Variants in PBX4 observed in about 807,000 individuals in gnomAD.
PBX4 encodes pre-B-cell leukemia transcription factor 4.
In PBX4, 26 loss-of-function variants were observed where a neutral mutation model predicts 35.1. The observed-to-expected ratio is 0.74, with a 90% CI of 0.54 to 1.03. The LOEUF is 1.03. PBX4 is among the 50% of genes least tolerant of loss of function. The pLI is 0.00. For synonymous variants in PBX4, 199 were observed against 204.2 expected, an observed-to-expected ratio of 0.97 and a Z score of 0.22; for missense variants, 448 against 504.3, an observed-to-expected ratio of 0.89 and a Z score of 1.07.
intron 6 of PBX4, 187 bp downstream of exon 6, chr19:19,564,746 A>C (rs1269262515): frequency 2.8e-6 from 2 of 706,888 alleles, no homozygotes; most frequent in African/African-American, 3.6e-5. Context: ...TCCCCAAAGC[A>C]CAGGTATCTG....
chr19:19,570,018 C>T, intron 4 of PBX4, 91 bp downstream of exon 4: 1 of 1,387,670 alleles, frequency 7.2e-7, no homozygotes, highest in Admixed American at 2.4e-5. Flanking sequence ...CAGACACAGC[C>T]TCCAGGGCTG....
chr19:19,572,070 C>T (rs999588384), intron 2 of PBX4, among the ~76,000 whole-genome samples: 35 of 69,072 alleles, frequency 5.1e-4, no homozygotes, highest in East Asian at 9.7e-4. Context: ...TAGAATCAGG[C>T]TTTTTTTTTT....
chr19:19,563,051 C>A lies in PBX4; in HGVS notation c.1032+458G>T, dbSNP rs1014845910. 2.6e-5 allele frequency among the ~76,000 whole-genome samples: 4 copies of A among 152,190 alleles called. No individual in the cohort carries two copies. The highest frequency in any genetic ancestry group is 2.4e-5 in the African/African-American group (1 of 41,436). On this transcript the variant is annotated intron_variant, in intron 7 of 7. Coordinates refer to ENST00000251203, the MANE Select transcript of PBX4 (RefSeq NM_025245.3). This position sits in a 1 kb window ranked among gnomAD's most constrained non-coding sequence, Gnocchi z 5.1. ...CCTCGTGCCTGTGCTGGGCACATGA[C>A]ACCTGGGCCTCCTCAGTGTCTTCAA...
At chr19:19,617,762 G>C (rs574389216) in intron 1 of PBX4, among the ~76,000 whole-genome samples, 3 of 152,254 alleles carry the variant, frequency 2.0e-5, no homozygotes, top group East Asian at 3.9e-4. Context: ...TTTCCCAAAA[G>C]TTCTCGATGG....
Position 19,562,394 on chromosome 19 carries a change from G to C in PBX4, c.1033-277C>G, listed in dbSNP as rs998063427. Reference sequence around the variant, plus strand: ...CTTAGGCAAAGGACTGACTGGCATCGGGTACAACAAGGGCTCCTGCCCGGC... The same window carrying C: ...CTTAGGCAAAGGACTGACTGGCATCCGGTACAACAAGGGCTCCTGCCCGGC... On this transcript the variant is annotated intron_variant, in intron 7 of 7. Coordinates refer to ENST00000251203, the MANE Select transcript of PBX4 (RefSeq NM_025245.3). This position sits in a 1 kb window ranked among gnomAD's most constrained non-coding sequence, Gnocchi z 4.8. Among the ~76,000 whole-genome samples the C allele has an allele frequency of 6.6e-6, 1 of 152,142 alleles. No individual in the cohort carries two copies. The highest frequency in any genetic ancestry group is 1.5e-5 in the Non-Finnish European group (1 of 68,008).
chr19:19,576,523 CA>C (rs908015744), intron 2 of PBX4, among the ~76,000 whole-genome samples: 32 of 144,790 alleles, frequency 2.2e-4, no homozygotes, highest in Admixed American at 6.9e-4. Flanking sequence ...TGTGCCTGGC[CA>C]AAAAAAAAAA....
At chr19:19,597,741 C>T (rs1173790707) in intron 2 of PBX4, among the ~76,000 whole-genome samples, 2 of 152,144 alleles carry the variant, frequency 1.3e-5, no homozygotes, top group East Asian at 1.9e-4. Context: ...GTGCAGATGA[C>T]CCTTGGTTTA....
chr19:19,574,131 C>A (rs1428235140), intron 2 of PBX4, among the ~76,000 whole-genome samples: 2 of 152,200 alleles, frequency 1.3e-5, no homozygotes, highest in Non-Finnish European at 2.9e-5. Context: ...CCCGCCTCGG[C>A]CTCCCAAAGT....
At chr19:19,597,249 AG>A (rs1486276914) in intron 2 of PBX4, among the ~76,000 whole-genome samples, 3 of 152,104 alleles carry the variant, frequency 2.0e-5, no homozygotes, top group African/African-American at 7.2e-5. Context: ...TACACTGGGG[AG>A]GGTTAGGGAC....
chr19:19,566,279 G>A (rs1047091905), intron 5 of PBX4, among the ~76,000 whole-genome samples: 15 of 152,178 alleles, frequency 9.9e-5, no homozygotes, highest in Admixed American at 6.5e-4. Flanking sequence ...CCTGTACACT[G>A]CAGGGTGCTG....
intron 2 of PBX4, among the ~76,000 whole-genome samples, chr19:19,573,287 A>G (rs528646039): frequency 1.3e-5 from 2 of 151,174 alleles, no homozygotes; most frequent in Non-Finnish European, 2.9e-5. Flanking sequence ...CCTGGGCAAC[A>G]AGAGCGAAAC....
intron 1 of PBX4, among the ~76,000 whole-genome samples, chr19:19,605,401 C>T (rs2061623771): frequency 8.0e-6 from 1 of 125,044 alleles, no homozygotes. Context: ...GGTGACAGAA[C>T]AAGACTCTGT....
At chr19:19,567,490 T>C (rs2061349943) in intron 5 of PBX4, among the ~76,000 whole-genome samples, 2 of 152,128 alleles carry the variant, frequency 1.3e-5, no homozygotes, top group African/African-American at 4.8e-5. Context: ...TGTGGTGACA[T>C]GCAGCAAGCC....
chr19:19,590,564 G>A (rs550591855), intron 2 of PBX4, among the ~76,000 whole-genome samples: 28 of 151,834 alleles, frequency 1.8e-4, no homozygotes, highest in Middle Eastern at 3.4e-3. Context: ...CGCCTCCCAG[G>A]TGCAAGTGAT....
chr19:19,611,778 A>G (rs926125007), intron 1 of PBX4, among the ~76,000 whole-genome samples: 2 of 152,122 alleles, frequency 1.3e-5, no homozygotes, highest in African/African-American at 4.8e-5. Flanking sequence ...CAACTTCCAA[A>G]TACATTTTTG....
intron 2 of PBX4, among the ~76,000 whole-genome samples, chr19:19,597,571 C>A (rs748435615): frequency 2.0e-5 from 3 of 152,184 alleles, no homozygotes; most frequent in Non-Finnish European, 2.9e-5. Context: ...CAATCTTGCA[C>A]CAAAACAGTG....
intron 2 of PBX4, among the ~76,000 whole-genome samples, chr19:19,584,477 G>A (rs963322615): frequency 4.6e-5 from 7 of 152,076 alleles, no homozygotes; most frequent in Admixed American, 2.0e-4. Flanking sequence ...AAGGCATGAC[G>A]AAGAAGATGT....
chr19:19,588,308 C>T, intron 2 of PBX4: 1 of 1,101,758 alleles, frequency 9.1e-7, no homozygotes, highest in South Asian at 1.2e-5. Context: ...CAGGGACGCA[C>T]ATAGGAGTCA....
intron 2 of PBX4, among the ~76,000 whole-genome samples, chr19:19,577,723 G>C (rs1431485652): frequency 6.6e-6 from 1 of 152,074 alleles, no homozygotes; most frequent in Non-Finnish European, 1.5e-5. Flanking sequence ...GCCAAGCGTG[G>C]TGGCGCGTGC....
Sources: allele counts gnomAD v4.1 joint callset (sites outside exome capture counted in the v4.1 genomes callset), GRCh38; gene constraint gnomAD v4.1.1; non-coding constraint Gnocchi (gnomAD v3.1); transcripts MANE v1.5; gene names NCBI Gene and HGNC (gene_info 2026-07-23, HGNC 2026-07-21).